IQCH: variants seen among roughly 807,000 people sequenced by gnomAD.
IQCH encodes the protein IQ domain-containing protein H.
IQCH carries 98 observed loss-of-function variants against 117.0 expected under a neutral mutation model. The ratio of observed to expected loss-of-function variants is 0.84; its 90% CI spans 0.71 to 0.99. IQCH has a LOEUF of 0.99. Ranked by LOEUF, IQCH falls within the 50% of genes least tolerant of loss-of-function variation. The pLI is 0.00. For missense variants in IQCH, 1,102 were observed against 1,243.8 expected (o/e 0.89, Z 1.72); for synonymous variants, 412 against 448.2 (o/e 0.92, Z 1.02).
rs2082004121 is a variant in IQCH at position 67,430,838 on chromosome 15, G to C, written c.2505+9261G>C. The stretch of plus-strand genomic sequence containing the variant: ...CTGCCCTTAGGGAGTTCACATTCTA[G>C]TTGGGAAGATAGGCTTGAAAAATGA... On this transcript the variant is annotated intron_variant, in intron 16 of 20. Transcript: ENST00000335894. This position sits in a 1 kb window ranked among gnomAD's most constrained non-coding sequence, Gnocchi z 5.1. Among the ~76,000 whole-genome samples, 1 of 152,192 alleles carries C rather than the reference G, an allele frequency of 6.6e-6. No individual in the cohort carries two copies.
intron 4 of IQCH, among the ~76,000 whole-genome samples, chr15:67,324,697 G>A (rs552155070): frequency 6.6e-6 from 1 of 150,926 alleles, no homozygotes; most frequent in African/African-American, 2.4e-5. Context: ...ATTTGGGGTA[G>A]CCATGTTTTT....
chr15:67,343,460 C>T (rs1356415448), intron 5 of IQCH, among the ~76,000 whole-genome samples: 1 of 152,202 alleles, frequency 6.6e-6, no homozygotes, highest in Non-Finnish European at 1.5e-5. Flanking sequence ...AAAGATTTGG[C>T]ACCAGCCATG....
rs564281871 is a variant in IQCH at position 67,411,226 on chromosome 15, G to A, written c.2098-5705G>A. Among the ~76,000 whole-genome samples the A allele has an allele frequency of 6.6e-6, 1 of 152,096 alleles. No individual in the cohort carries two copies. The highest frequency in any genetic ancestry group is 1.9e-4 in the East Asian group (1 of 5,162). ...ATTCAAATCCGGAGCACCTTTCATGGTGCTCCCCACTTTACACTCTGAAGA... is the reference window on the plus strand; with the variant it reads ...ATTCAAATCCGGAGCACCTTTCATGATGCTCCCCACTTTACACTCTGAAGA... On this transcript the variant is annotated intron_variant, in intron 14 of 20. Coordinates refer to ENST00000335894, the MANE Select transcript of IQCH (RefSeq NM_001031715.3). The surrounding 1 kb of genome is among the most constrained non-coding windows in gnomAD (Gnocchi z 4.4).
intron 16 of IQCH, among the ~76,000 whole-genome samples, chr15:67,455,475 C>T (rs1043202351): frequency 6.6e-6 from 1 of 152,256 alleles, no homozygotes; most frequent in South Asian, 2.1e-4. Context: ...TATTCTGCAA[C>T]CAAGGTTGTT....
rs929418014 is a variant in IQCH at position 67,391,243 on chromosome 15, G to A, written c.1632+2237G>A. Among the ~76,000 whole-genome samples the A allele has an allele frequency of 2.0e-5, 3 of 152,156 alleles. No individual in the cohort carries two copies. The highest frequency in any genetic ancestry group is 7.2e-5 in the African/African-American group (3 of 41,440). On this transcript the variant is annotated intron_variant, in intron 12 of 20. Coordinates refer to ENST00000335894, the MANE Select transcript of IQCH (RefSeq NM_001031715.3). The surrounding 1 kb of genome is among the most constrained non-coding windows in gnomAD (Gnocchi z 4.3). ...TTTTAAGTACTTAATAGTTCTCATAGCTCAAGTTTAAATTATTTGAGTAAT... is the reference window on the plus strand; with the variant it reads ...TTTTAAGTACTTAATAGTTCTCATAACTCAAGTTTAAATTATTTGAGTAAT...
At chr15:67,316,390 C>G (rs552818393) in intron 4 of IQCH, among the ~76,000 whole-genome samples, 1 of 152,226 alleles carries the variant, frequency 6.6e-6, no homozygotes, top group East Asian at 1.9e-4. Flanking sequence ...AAACTGTAAC[C>G]ATTTTACTTG....
chr15:67,290,394 A>G (rs543615258), intron 4 of IQCH, among the ~76,000 whole-genome samples: 43 of 152,190 alleles, frequency 2.8e-4, no homozygotes, highest in Non-Finnish European at 4.9e-4. Context: ...TTAAGCAAAA[A>G]TCTCTGCTTA....
At chr15:67,398,678 C>T (rs1307999128) in intron 13 of IQCH, among the ~76,000 whole-genome samples, 1 of 151,772 alleles carries the variant, frequency 6.6e-6, no homozygotes, top group Non-Finnish European at 1.5e-5. Flanking sequence ...AATCTGGTAG[C>T]TCCAAACCTC....
chr15:67,358,668 CT>C (rs1174764318), intron 7 of IQCH, among the ~76,000 whole-genome samples: 1 of 152,180 alleles, frequency 6.6e-6, no homozygotes, highest in Non-Finnish European at 1.5e-5. Flanking sequence ...ACAGCTGGCA[CT>C]GTCTTTTTCT....
chr15:67,343,204 A>G (rs916962798), intron 5 of IQCH, among the ~76,000 whole-genome samples: 10 of 152,288 alleles, frequency 6.6e-5, no homozygotes, highest in African/African-American at 2.2e-4. Context: ...ACTTGAATAC[A>G]CAGTTTGTAT....
At chr15:67,439,693 G>C (rs1056967632) in intron 16 of IQCH, among the ~76,000 whole-genome samples, 1 of 151,756 alleles carries the variant, frequency 6.6e-6, no homozygotes, top group African/African-American at 2.4e-5. Context: ...TGAGACCAGC[G>C]TGACCAACAT....
chr15:67,286,576 T>G lies in IQCH; in HGVS notation c.387+7064T>G, dbSNP rs550604296. Among the ~76,000 whole-genome samples, 41 of 141,818 alleles carry G rather than the reference T, an allele frequency of 2.9e-4. 1 individual carries two copies. In the South Asian group the frequency reaches 9.5e-3, roughly 33 times the overall value. 93.0% of individuals were successfully genotyped at this position (141,818 alleles called of 152,430 possible). ...TGATACTAGCTGTGGGTCTGTCATA[T>G]ATGGCTTTTATTTATTTATTTATTT... On this transcript the variant is annotated intron_variant, in intron 4 of 20. Coordinates refer to ENST00000335894, the MANE Select transcript of IQCH (RefSeq NM_001031715.3).
At chr15:67,276,755 CTT>C (rs1966142013) in intron 3 of IQCH, among the ~76,000 whole-genome samples, 1 of 151,348 alleles carries the variant, frequency 6.6e-6, no homozygotes, top group Admixed American at 6.6e-5. Flanking sequence ...TTTTCTCTGT[CTT>C]TTGTTTTTCA....
chr15:67,289,545 G>C (rs1966682507), intron 4 of IQCH, among the ~76,000 whole-genome samples: 1 of 152,144 alleles, frequency 6.6e-6, no homozygotes, highest in Non-Finnish European at 1.5e-5. Flanking sequence ...AGACATAGGA[G>C]AAGGAGCAGA....
intron 1 of IQCH, among the ~76,000 whole-genome samples, chr15:67,255,883 T>A (rs1352687862): frequency 6.6e-6 from 1 of 152,218 alleles, no homozygotes; most frequent in Non-Finnish European, 1.5e-5. Flanking sequence ...TACCTAATCT[T>A]ACCTGATCTT....
rs192768830 is a variant in IQCH, at chr15:67,424,507, G to A, written c.2505+2930G>A. On this transcript the variant is annotated intron_variant, in intron 16 of 20. Coordinates refer to ENST00000335894, the MANE Select transcript of IQCH (RefSeq NM_001031715.3). The surrounding 1 kb of genome is among the most constrained non-coding windows in gnomAD (Gnocchi z 4.9). ...AATTGTAAGCTCTTTTAAGCGATGT[G>A]CTGTGTTTCTTTTTGCTCCCCCACT... Among the ~76,000 whole-genome samples the A allele has an allele frequency of 4.1e-4, 62 of 152,266 alleles. No homozygotes were observed. The highest frequency in any genetic ancestry group is 3.9e-3 in the East Asian group (20 of 5,188).
At chr15:67,299,900 A>G (rs1966938300) in intron 4 of IQCH, among the ~76,000 whole-genome samples, 2 of 152,132 alleles carry the variant, frequency 1.3e-5, no homozygotes, top group Admixed American at 1.3e-4. Context: ...AAGACTGATA[A>G]ATGACTCCAA....
chr15:67,350,451 G>C (rs559764907), intron 6 of IQCH, among the ~76,000 whole-genome samples: 1 of 152,148 alleles, frequency 6.6e-6, no homozygotes, highest in African/African-American at 2.4e-5. Context: ...TTTGAGAATG[G>C]AGTCTCGCTC....
chr15:67,435,022 A>T (rs2082105905), intron 16 of IQCH, among the ~76,000 whole-genome samples: 1 of 139,470 alleles, frequency 7.2e-6, no homozygotes. Flanking sequence ...TTTTTAAGCT[A>T]ATTTTTGTAT....
Sources: gnomAD v4.1 joint callset for allele counts (sites outside exome capture counted in the v4.1 genomes callset) on GRCh38, gnomAD v4.1.1 for gene constraint, Gnocchi (gnomAD v3.1) non-coding constraint, MANE v1.5 for transcripts, NCBI Gene and HGNC (gene_info 2026-07-23, HGNC 2026-07-21) for gene names.